Variants in FCER2 observed in about 807,000 individuals in gnomAD.
FCER2 encodes the protein Fc epsilon receptor II.
In FCER2, 38 loss-of-function variants were observed where a neutral mutation model predicts 49.7. That is an observed-to-expected ratio of 0.76 (90% CI 0.59 to 1.00). The LOEUF (loss-of-function observed/expected upper bound fraction) is 1.00, where lower values mean the gene tolerates loss of function less well. Among genes scored for constraint, FCER2 ranks in the 50% least tolerant of loss-of-function variants. The probability of loss-of-function intolerance (pLI) is 0.00; values close to 1 mark genes in which losing one functional copy is unlikely to be tolerated. For synonymous variants in FCER2, 163 were observed against 164.6 expected, an observed-to-expected ratio of 0.99 and a Z score of 0.07; for missense variants, 425 against 419.5, an observed-to-expected ratio of 1.01 and a Z score of -0.11.
chr19:7,694,168 G>T (rs12459736), intron 8 of FCER2, among the ~76,000 whole-genome samples: 35,409 of 151,930 alleles, frequency 0.23, 4,501 homozygotes, highest in Admixed American at 0.34. Flanking sequence ...CCATGAAATG[G>T]TAACCAGTAC....
At position 7,698,422 on chromosome 19, in the gene FCER2, A is replaced by G; in HGVS notation, c.137-13T>C. ...GTGGTGTCCCAGTCTGGGGAGGGGG[A>G]GAGAAGAGGAGTGGAGAGGGGGGAT... is the stretch of plus-strand genomic sequence containing the variant. On this transcript the variant is annotated splice_polypyrimidine_tract_variant and intron_variant, in intron 3 of 10. Coordinates refer to ENST00000597921, the MANE Select transcript of FCER2 (RefSeq NM_001220500.2). 5 of 1,600,452 alleles carry G rather than the reference A, an allele frequency of 3.1e-6. No homozygotes were observed. The highest frequency in any genetic ancestry group is 1.7e-4 in the Middle Eastern group (1 of 6,002).
At chr19:7,701,427 G>A (rs1221296925) in intron 1 of FCER2, among the ~76,000 whole-genome samples, 1 of 152,090 alleles carries the variant, frequency 6.6e-6, no homozygotes, top group Non-Finnish European at 1.5e-5. Flanking sequence ...TGTAAATTGG[G>A]AGTATTCAAA....
At chr19:7,699,333 CTA>C in intron 2 of FCER2, 1 of 1,181,792 alleles carries the variant, frequency 8.5e-7, no homozygotes, top group Non-Finnish European at 1.1e-6. Flanking sequence ...ACCCAAAGGT[CTA>C]TCTGGATGTC....
intron 5 of FCER2, 58 bp from the exon 6 acceptor site, chr19:7,697,356 C>T: frequency 1.3e-6 from 2 of 1,566,872 alleles, no homozygotes; most frequent in Non-Finnish European, 1.8e-6. Context: ...CCCCCATCTA[C>T]CCCCACCCAT....
rs1467859616 is a variant in FCER2, at chr19:7,695,726, G to A, written c.469+1099C>T. 2.0e-5 allele frequency among the ~76,000 whole-genome samples: 3 copies of A among 152,124 alleles called. No individual in the cohort carries two copies. The East Asian group carries it at 5.8e-4, about 29-fold the overall frequency. ...GAGTCCAGGAGTTCAAGACCAACCT[G>A]GGTAACAAAGTGAGACACTGTGGCT... On this transcript the variant is annotated intron_variant, in intron 8 of 10. Coordinates refer to ENST00000597921, the MANE Select transcript of FCER2 (RefSeq NM_001220500.2).
At chr19:7,701,962 G>C (rs1402692779) in intron 1 of FCER2, 53 bp downstream of exon 1, 1 of 148,646 alleles carries the variant, frequency 6.7e-6, no homozygotes, top group Non-Finnish European at 1.5e-5. Flanking sequence ...TTCTTCCAAG[G>C]GCGCTTTGAT....
Position 7,696,934 on chromosome 19 carries a change from G to A in FCER2, c.380-20C>T. 1 of 1,567,428 alleles carries A rather than the reference G, an allele frequency of 6.4e-7. No homozygotes were observed. The highest frequency in any genetic ancestry group is 2.3e-5 in the East Asian group (1 of 42,800). ...TCAATTCTTGGGGAGTCAACAAGGG[G>A]CGGTGCTCAGAGACCAACTGGCAGG... On this transcript the variant is annotated intron_variant, in intron 7 of 10. Coordinates refer to ENST00000597921, the MANE Select transcript of FCER2 (RefSeq NM_001220500.2).
chr19:7,697,109 G>T (rs2033036067), intron 6 of FCER2, 34 bp from the exon 7 acceptor site: 1 of 1,613,026 alleles, frequency 6.2e-7, no homozygotes. Flanking sequence ...CTGGTCTCAG[G>T]GAGGATGTGT....
chr19:7,698,383 G>C lies in FCER2; in HGVS notation c.163C>G (p.Gln55Glu). Residue 55 changes from glutamine to glutamate, a missense_variant, in exon 4 of 11, where the codon CAG becomes GAG. Physicochemically the swap from Gln to Glu is conservative, Grantham distance 29 (BLOSUM62 2). Coordinates refer to ENST00000597921, the MANE Select transcript of FCER2 (RefSeq NM_001220500.2). The part of the protein sequence containing the change: ...WHWDTTQSLK[Q>E]LEERAARNVS... The stretch of plus-strand genomic sequence containing the variant: ...TTCCGGGCAGCCCTCTCTTCCAGCT[G>C]TTTTAGACTCTGTGTGGTGTCCCAG... 3 of 1,612,718 alleles carry C rather than the reference G, an allele frequency of 1.9e-6. No homozygotes were observed. The highest frequency in any genetic ancestry group is 4.5e-5 in the East Asian group (2 of 44,860).
At position 7,689,196 on chromosome 19, in the gene FCER2, A is replaced by G. The variant is rs1486369029; in HGVS notation, c.963T>C (p.Ser321=). 1 of 1,604,964 alleles carries G rather than the reference A, an allele frequency of 6.2e-7. No homozygotes were observed. Residue 321 remains serine, a synonymous_variant, in exon 11 of 11, where the codon TCT becomes TCC. Transcript: ENST00000597921. ...CTGGGCCTGGCTGTATCCATGCTCA[A>G]GAGTGGAGAGGGGCAGAGGGGGTGG... ...RLPTPSAPLH[S]
chr19:7,698,124 A>G (rs949944576), intron 4 of FCER2, among the ~76,000 whole-genome samples: 1 of 152,190 alleles, frequency 6.6e-6, no homozygotes, highest in Admixed American at 6.5e-5. Context: ...TTTTCAACGT[A>G]CTTTGCGCTT....
chr19:7,689,117 T>C lies in FCER2; in HGVS notation c.*76A>G, dbSNP rs1221747211. On this transcript the variant is annotated 3_prime_UTR_variant, in exon 11 of 11. Transcript: ENST00000597921. ...GGTGGCAGAAAATGTCACAGGGACC[T>C]TTCAGCCACAAAGAGGCTTTTAGGC... The C allele has an allele frequency of 5.7e-6, 6 of 1,043,556 alleles. No homozygotes were observed. The highest frequency in any genetic ancestry group is 2.1e-5 in the Admixed American group (1 of 48,222). The allele number at this position is 1,043,556 out of a possible 1,614,324, so 64.6% of individuals were successfully genotyped here. A position where few individuals can be genotyped will look rare whatever the true frequency, so the allele number is the denominator to read the frequency against.
chr19:7,689,087 G>C lies in FCER2; in HGVS notation c.*106C>G. 1.3e-6 allele frequency: 1 copy of C among 781,770 alleles called. No individual in the cohort carries two copies. Among genetic ancestry groups the C allele is most frequent in the Non-Finnish European group, 2.1e-6 (1 of 471,522 alleles). The allele number at this position is 781,770 out of a possible 1,614,324, so 48.4% of individuals were successfully genotyped here. On this transcript the variant is annotated 3_prime_UTR_variant, in exon 11 of 11. Coordinates refer to ENST00000597921, the MANE Select transcript of FCER2 (RefSeq NM_001220500.2). ...AGCGGGAGATGTGTCAGCTGCCTCC[G>C]TTTGGGTGGCAGAAAATGTCACAGG...
At position 7,689,705 on chromosome 19, in the gene FCER2, C is replaced by A. The variant is rs62110714; in HGVS notation, c.729-275G>T. Among the ~76,000 whole-genome samples, 112 of 152,032 alleles carry A rather than the reference C, an allele frequency of 7.4e-4. 1 individual carries two copies. In the East Asian group the frequency reaches 0.019, roughly 26 times the overall value. ...CGCGATCTCAGCTCACTGCAACCTC[C>A]GCCTCCTGGGTTCAAGTGATTCTCC... On this transcript the variant is annotated intron_variant, in intron 10 of 10. Transcript: ENST00000597921.
Position 7,690,243 on chromosome 19 carries a change from C to G in FCER2, c.644G>C (p.Ser215Thr), listed in dbSNP as rs747524495. The change falls in exon 10 of 11, where the codon AGC (serine) becomes ACC (threonine). Residue 215 changes from serine (S) to threonine (T), a missense_variant. By Grantham distance (58) the Ser-to-Thr change is moderately conservative. Coordinates refer to ENST00000597921, the MANE Select transcript of FCER2 (RefSeq NM_001220500.2). Reference protein sequence around the residue: ...EEQDFLTKHASHTGSWIGLRN... With the variant: ...EEQDFLTKHATHTGSWIGLRN... ...AAGGCCAATCCAGGAGCCGGTGTGGCTGGCATGCTTGGTCAGGAAGTCCTG... is the reference window on the plus strand; with the variant it reads ...AAGGCCAATCCAGGAGCCGGTGTGGGTGGCATGCTTGGTCAGGAAGTCCTG... 6.8e-6 allele frequency: 11 copies of G among 1,614,016 alleles called. No homozygotes were observed. The South Asian group carries it at 7.7e-5, about 11-fold the overall frequency.
chr19:7,695,614 A>C (rs1162347893), intron 8 of FCER2, among the ~76,000 whole-genome samples: 6 of 144,356 alleles, frequency 4.2e-5, no homozygotes, highest in Admixed American at 4.1e-4. Context: ...TGTCGCTACA[A>C]AAAATAAAAA....
Position 7,696,885 on chromosome 19 carries a change from A to T in FCER2, c.409T>A (p.Leu137Met). 1.9e-6 allele frequency: 3 copies of T among 1,587,630 alleles called. No homozygotes were observed. The highest frequency in any genetic ancestry group is 2.6e-6 in the Non-Finnish European group (3 of 1,166,302). The change falls in exon 8 of 11, where the codon TTG (leucine) becomes ATG (methionine). Residue 137 changes from leucine to methionine, a missense_variant. By Grantham distance (15) the Leu-to-Met change is conservative (BLOSUM62 2). Transcript: ENST00000597921. ...ACCTCCTCCCGGAGTCTTTCCAGCAAATCTGAAGCTTCGTTCCTCTCGTTC... is the reference window on the plus strand; with the variant it reads ...ACCTCCTCCCGGAGTCTTTCCAGCATATCTGAAGCTTCGTTCCTCTCGTTC... ...ELNERNEASD[L>M]LERLREEVTK...
In FCER2 at chr19:7,698,324, C is replaced by A. The variant is rs761810719; in HGVS notation, c.190+32G>T. ...TGAGTGCTGGGCATCCTAACCCTCA[C>A]CCCCACCCCCTCCACCTTGACCCCT... On this transcript the variant is annotated intron_variant, in intron 4 of 10. Transcript: ENST00000597921. 9.9e-6 allele frequency: 15 copies of A among 1,514,028 alleles called. No homozygotes were observed. In the Middle Eastern group the frequency reaches 6.9e-4, roughly 70 times the overall value. The allele number at this position is 1,514,028 out of a possible 1,614,324, so 93.8% of individuals were successfully genotyped here. A position where few individuals can be genotyped will look rare whatever the true frequency, so the allele number is the denominator to read the frequency against.
chr19:7,696,865 C>T lies in FCER2; in HGVS notation c.429G>A (p.Glu143=), dbSNP rs1444395259. The change falls in exon 8 of 11, where the codon GAG becomes GAA. Residue 143 remains glutamate, a synonymous_variant. Transcript: ENST00000597921. Reference sequence around the variant, plus strand: ...ACTCCATCCTTAGCTTTGTCACCTCCTCCCGGAGTCTTTCCAGCAAATCTG... The same window carrying T: ...ACTCCATCCTTAGCTTTGTCACCTCTTCCCGGAGTCTTTCCAGCAAATCTG... The part of the protein sequence containing the change: ...EASDLLERLR[E]EVTKLRMELQ... The T allele has an allele frequency of 1.3e-6, 2 of 1,587,102 alleles. No homozygotes were observed. The highest frequency in any genetic ancestry group is 1.1e-5 in the South Asian group (1 of 87,004).
Sources: gnomAD v4.1 joint callset for allele counts (sites outside exome capture counted in the v4.1 genomes callset) on GRCh38, gnomAD v4.1.1 for gene constraint, MANE v1.5 for transcripts, NCBI Gene and HGNC (gene_info 2026-07-23, HGNC 2026-07-21) for gene names.